The following PLXNA2 variants were observed in gnomAD, a reference collection of about 807,000 sequenced individuals.
PLXNA2 encodes the protein plexin A2.
Under a neutral mutation model 193.5 loss-of-function variants are expected in PLXNA2, and 91 were observed. The ratio of observed to expected loss-of-function variants is 0.47; its 90% CI spans 0.40 to 0.56. PLXNA2 has a LOEUF of 0.56. PLXNA2 is among the 20% of genes least tolerant of loss of function. PLXNA2 has a pLI of 0.00. For missense variants in PLXNA2, 1,995 were observed against 2,503.2 expected, an observed-to-expected ratio of 0.80 and a Z score of 4.33; for synonymous variants, 997 against 1,027.3, an observed-to-expected ratio of 0.97 and a Z score of 0.56.
intron 3 of PLXNA2, among the ~76,000 whole-genome samples, chr1:208,159,166 C>G (rs1013035342): frequency 6.6e-6 from 1 of 152,202 alleles, no homozygotes; most frequent in African/African-American, 2.4e-5. Context: ...TCCCTAGAGG[C>G]TCTGGGGAGG....
At chr1:208,064,290 T>A (rs1380107446) in intron 12 of PLXNA2, among the ~76,000 whole-genome samples, 1 of 152,198 alleles carries the variant, frequency 6.6e-6, no homozygotes, top group South Asian at 2.1e-4. Flanking sequence ...CAGGGTGACC[T>A]TCATGAACAC....
chr1:208,137,246 C>A (rs1416113061), intron 4 of PLXNA2, among the ~76,000 whole-genome samples: 1 of 152,188 alleles, frequency 6.6e-6, no homozygotes, highest in African/African-American at 2.4e-5. Flanking sequence ...TCCCTTTTTC[C>A]ATTTCACCCT....
At chr1:208,103,432 G>T (rs747269422) in intron 4 of PLXNA2, among the ~76,000 whole-genome samples, 185 bp from the exon 5 acceptor site, 3 of 152,218 alleles carry the variant, frequency 2.0e-5, no homozygotes, top group Non-Finnish European at 4.4e-5. Context: ...AGGCTAAGCC[G>T]AGTGTGTCTC....
chr1:208,040,840 G>A (rs1263091718), intron 22 of PLXNA2, among the ~76,000 whole-genome samples: 1 of 152,224 alleles, frequency 6.6e-6, no homozygotes, highest in Non-Finnish European at 1.5e-5. Flanking sequence ...TCATGCAAGG[G>A]CTGGCCCCCC....
chr1:208,162,373 G>GACTGCT (rs1160118338), intron 3 of PLXNA2, among the ~76,000 whole-genome samples: 1 of 152,234 alleles, frequency 6.6e-6, no homozygotes, highest in East Asian at 1.9e-4. Flanking sequence ...TTACATTCCT[G>GACTGCT]ACTGCTAGGT....
At chr1:208,237,729 G>A (rs916275133) in intron 1 of PLXNA2, among the ~76,000 whole-genome samples, 2 of 152,176 alleles carry the variant, frequency 1.3e-5, no homozygotes, top group Non-Finnish European at 2.9e-5. Flanking sequence ...GCTTTGAGGA[G>A]CTGTCTGCTC....
rs142162108 is a variant in PLXNA2 at position 208,125,134 on chromosome 1, T to C, written c.1506+17195A>G. Among the ~76,000 whole-genome samples, 752 of 152,314 alleles carry C rather than the reference T, an allele frequency of 4.9e-3. 8 individuals are homozygous for C. The highest frequency in any genetic ancestry group is 0.016 in the African/African-American group (684 of 41,564). ...GCCTTTTGTGTAGGGCCATATTTCA[T>C]GAAATAATATAATGTTGCCACTCTA... On this transcript the variant is annotated intron_variant, in intron 4 of 31. Coordinates refer to ENST00000367033, the MANE Select transcript of PLXNA2 (RefSeq NM_025179.4).
intron 4 of PLXNA2, among the ~76,000 whole-genome samples, chr1:208,118,966 C>T (rs576972944): frequency 6.6e-5 from 10 of 152,204 alleles, no homozygotes; most frequent in South Asian, 2.1e-4. Flanking sequence ...AGAACATTGC[C>T]GGAGAATCAT....
chr1:208,140,410 C>A (rs1210747584), intron 4 of PLXNA2, among the ~76,000 whole-genome samples: 1 of 152,210 alleles, frequency 6.6e-6, no homozygotes, highest in African/African-American at 2.4e-5. Flanking sequence ...TTGGTCACTT[C>A]TTCCTTCCCA....
At chr1:208,055,365 G>T (rs1362127949) in intron 13 of PLXNA2, among the ~76,000 whole-genome samples, 2 of 152,184 alleles carry the variant, frequency 1.3e-5, no homozygotes, top group East Asian at 3.8e-4. Context: ...TTAGATACTG[G>T]TTGCCTTAGC....
At chr1:208,233,824 C>A (rs1671768344) in intron 1 of PLXNA2, among the ~76,000 whole-genome samples, 1 of 152,196 alleles carries the variant, frequency 6.6e-6, no homozygotes, top group African/African-American at 2.4e-5. Flanking sequence ...CTTGGCCTTG[C>A]CAGAGCCATT....
Position 208,217,935 on chromosome 1 carries a change from G to T in PLXNA2, c.-13C>A. On this transcript the variant is annotated 5_prime_UTR_variant, in exon 2 of 32. Transcript: ENST00000367033. The surrounding 1 kb of genome is among the most constrained non-coding windows in gnomAD (Gnocchi z 4.7). ...GCCTCTGTTCCATGCTGAGAGGGGCGGCGGTGAGGAGACGGCTCCTGTGTG... is the reference window on the plus strand; with the variant it reads ...GCCTCTGTTCCATGCTGAGAGGGGCTGCGGTGAGGAGACGGCTCCTGTGTG... The T allele has an allele frequency of 6.2e-7, 1 of 1,605,438 alleles. No homozygotes were observed.
chr1:208,206,550 C>T (rs1670729449), intron 3 of PLXNA2, among the ~76,000 whole-genome samples: 1 of 152,064 alleles, frequency 6.6e-6, no homozygotes, highest in Non-Finnish European at 1.5e-5. Context: ...TCTAGAATGC[C>T]CTTCTCTCCC....
At chr1:208,057,159 C>A (rs1279784358) in intron 13 of PLXNA2, among the ~76,000 whole-genome samples, 1 of 152,214 alleles carries the variant, frequency 6.6e-6, no homozygotes, top group African/African-American at 2.4e-5. Flanking sequence ...ACTGATTCTG[C>A]CAGGCACTCT....
chr1:208,151,503 T>A (rs1668761245), intron 3 of PLXNA2, among the ~76,000 whole-genome samples: 1 of 152,074 alleles, frequency 6.6e-6, no homozygotes, highest in Non-Finnish European at 1.5e-5. Context: ...TATCGACAGG[T>A]TAACTACCTT....
chr1:208,070,030 G>A (rs1392990515), intron 12 of PLXNA2, among the ~76,000 whole-genome samples: 1 of 152,228 alleles, frequency 6.6e-6, no homozygotes, highest in East Asian at 1.9e-4. Flanking sequence ...AGTGAGTGGG[G>A]CAGAGCTCAG....
intron 4 of PLXNA2, among the ~76,000 whole-genome samples, chr1:208,139,489 T>A (rs1235152151): frequency 6.6e-6 from 1 of 152,164 alleles, no homozygotes; most frequent in Admixed American, 6.5e-5. Flanking sequence ...ATTCCCCCTT[T>A]ATTGTCTCAG....
intron 3 of PLXNA2, among the ~76,000 whole-genome samples, chr1:208,199,150 T>C (rs1328627882): frequency 4.6e-5 from 7 of 152,210 alleles, no homozygotes; most frequent in Non-Finnish European, 1.0e-4. Context: ...CAGAACTTCT[T>C]AGCCCTGAGG....
rs1390035324 is a variant in PLXNA2, at chr1:208,044,643, T to A, written c.3739A>T (p.Ser1247Cys). 6.2e-7 allele frequency: 1 copy of A among 1,614,010 alleles called. No homozygotes were observed. The highest frequency in any genetic ancestry group is 1.1e-5 in the South Asian group (1 of 91,060). Residue 1247 changes from serine to cysteine, a missense_variant, in exon 20 of 32, where the codon AGC becomes TGC. Around this residue, in one of 3 missense-constraint regions of PLXNA2, gnomAD observed 1,291 missense variants for 1,673.6 expected, o/e 0.77. Transcript: ENST00000367033. This position sits in a 1 kb window ranked among gnomAD's most constrained non-coding sequence, Gnocchi z 4.9. Reference protein sequence around the residue: ...PAIVSIAAGGSLLLIIVIIVL... With the variant: ...PAIVSIAAGGCLLLIIVIIVL... ...ATGATGACGATGATGAGGAGGAGGC[T>A]GCCGCCGGCCGCGATGCTGACGATG...
Sources: gnomAD v4.1 joint callset for allele counts (sites outside exome capture counted in the v4.1 genomes callset) on GRCh38, gnomAD v4.1.1 for gene constraint, gnomAD v4.1.1 regional missense constraint, Gnocchi (gnomAD v3.1) non-coding constraint, MANE v1.5 for transcripts, NCBI Gene and HGNC (gene_info 2026-07-23, HGNC 2026-07-21) for gene names.